Variants in THAP5 observed in about 807,000 individuals in gnomAD.
THAP5 encodes THAP domain-containing protein 5.
Under a neutral mutation model 34.0 loss-of-function variants are expected in THAP5, and 26 were observed. That is an observed-to-expected ratio of 0.77 (90% confidence interval 0.56 to 1.06). The LOEUF (loss-of-function observed/expected upper bound fraction) is 1.06, where lower values mean the gene tolerates loss of function less well. Ranked by LOEUF, THAP5 falls within the 50% of genes least tolerant of loss-of-function variation. THAP5 has a pLI of 0.00. For missense variants in THAP5, 394 were observed against 452.8 expected (o/e 0.87, Z 1.18); for synonymous variants, 125 against 153.0 (o/e 0.82, Z 1.35).
At position 108,563,537 on chromosome 7, in the gene THAP5, C is replaced by CAAAAAAAAAAAAAAAAAAAAAAAAAAAA. The variant is rs869034514; in HGVS notation, c.*626_*653dup. On this transcript the variant is annotated 3_prime_UTR_variant, in exon 3 of 3. Transcript: ENST00000415914. ...TGGGTTACAGAGTGAGACTCCATCT[C>CAAAAAAAAAAAAAAAAAAAAAAAAAAAA]AAAAAAAAAAAAAAAAAAAAAAAAA... 1.5e-5 allele frequency: 1 copy of CAAAAAAAAAAAAAAAAAAAAAAAAAAAA among 68,468 alleles called. No individual in the cohort carries two copies. Among genetic ancestry groups the CAAAAAAAAAAAAAAAAAAAAAAAAAAAA allele is most frequent in the Non-Finnish European group, 2.6e-5 (1 of 38,762 alleles). 4.2% of individuals were successfully genotyped at this position (68,468 alleles called of 1,614,324 possible).
At chr7:108,558,377 GTATGTATATATATATATATATATA>G (rs1391237403), downstream of THAP5, among the ~76,000 whole-genome samples, 2 of 63,042 alleles carry the variant, frequency 3.2e-5, no homozygotes, top group African/African-American at 8.1e-5. Flanking sequence ...ATGTGTGTGT[GTATGTATATATATATATATATATA>G]TATATATATA....
downstream of THAP5, among the ~76,000 whole-genome samples, chr7:108,550,527 G>T (rs1864347214): frequency 6.6e-6 from 1 of 152,002 alleles, no homozygotes; most frequent in East Asian, 1.9e-4. Flanking sequence ...GAGTCTCCTG[G>T]ATCTATTGGA....
intron 1 of THAP5, among the ~76,000 whole-genome samples, chr7:108,556,157 T>C (rs952182681): frequency 1.3e-5 from 2 of 152,130 alleles, no homozygotes; most frequent in African/African-American, 2.4e-5. Flanking sequence ...GCCCCTCCTC[T>C]CACACATGGG....
downstream of THAP5, among the ~76,000 whole-genome samples, chr7:108,550,035 T>G (rs548270918): frequency 5.6e-4 from 85 of 152,324 alleles, no homozygotes; most frequent in South Asian, 0.015. Context: ...ATCTAGGCAA[T>G]CATTCCAGAA....
At chr7:108,554,881 G>A (rs1404828968) in intron 1 of THAP5, 1 of 152,158 alleles carries the variant, frequency 6.6e-6, no homozygotes, top group Non-Finnish European at 1.5e-5. Flanking sequence ...AAGAGAAATA[G>A]AGAGATTTTA....
chr7:108,543,741 T>A, the THAP5 span, among the ~76,000 whole-genome samples: 3 of 152,210 alleles, frequency 2.0e-5, no homozygotes, highest in South Asian at 6.2e-4. Flanking sequence ...ATCAGGATTT[T>A]CCTGGGTTGG....
At chr7:108,552,786 C>T (rs1344070967), downstream of THAP5, among the ~76,000 whole-genome samples, 4 of 129,164 alleles carry the variant, frequency 3.1e-5, no homozygotes, top group Admixed American at 2.5e-4. Context: ...GGTGAGAGAG[C>T]GAGACTCTGT....
chr7:108,547,555 T>C, the THAP5 span, among the ~76,000 whole-genome samples: 4 of 152,196 alleles, frequency 2.6e-5, no homozygotes, highest in Admixed American at 6.5e-5. Context: ...ACTTACTTAA[T>C]CCCTAAATTT....
At chr7:108,552,814 A>C (rs1864362564), downstream of THAP5, among the ~76,000 whole-genome samples, 1 of 140,136 alleles carries the variant, frequency 7.1e-6, no homozygotes. Context: ...GAAAAAAAAA[A>C]ATCTCTTTAC....
At chr7:108,559,947 C>T (rs1864414591), downstream of THAP5, among the ~76,000 whole-genome samples, 2 of 152,180 alleles carry the variant, frequency 1.3e-5, no homozygotes, top group South Asian at 2.1e-4. Context: ...CAAAGCCAAA[C>T]CATATCACTA....
chr7:108,558,387 A>G (rs970905609), downstream of THAP5, among the ~76,000 whole-genome samples: 360 of 67,340 alleles, frequency 5.3e-3, 20 homozygotes, highest in East Asian at 0.022. Flanking sequence ...GTATGTATAT[A>G]TATATATATA....
At chr7:108,558,393 A>ATATATATATATATATATATATATG (rs1864402512), downstream of THAP5, among the ~76,000 whole-genome samples, 1 of 124,058 alleles carries the variant, frequency 8.1e-6, no homozygotes, top group Non-Finnish European at 1.7e-5. Context: ...ATATATATAT[A>ATATATATATATATATATATATATG]TATATATATA....
At chr7:108,559,703 A>G (rs1864412751), downstream of THAP5, among the ~76,000 whole-genome samples, 1 of 152,194 alleles carries the variant, frequency 6.6e-6, no homozygotes, top group Non-Finnish European at 1.5e-5. Context: ...GGCCTCAGGA[A>G]ACTTACAATC....
downstream of THAP5, among the ~76,000 whole-genome samples, chr7:108,550,937 C>T (rs1864349644): frequency 6.6e-6 from 1 of 152,076 alleles, no homozygotes; most frequent in South Asian, 2.1e-4. Flanking sequence ...TATCTTTTGG[C>T]TTTTTTTGTT....
downstream of THAP5, among the ~76,000 whole-genome samples, chr7:108,561,760 T>C (rs1864433685): frequency 6.6e-6 from 1 of 152,178 alleles, no homozygotes; most frequent in Non-Finnish European, 1.5e-5. Flanking sequence ...GAATTTATAA[T>C]CAAGTCTGTC....
downstream of THAP5, among the ~76,000 whole-genome samples, chr7:108,557,830 G>A (rs1050727372): frequency 3.9e-5 from 6 of 152,108 alleles, no homozygotes; most frequent in African/African-American, 9.7e-5. Flanking sequence ...CCAATTTTCT[G>A]TATTAGTCTG....
chr7:108,542,278 T>C, the THAP5 span, among the ~76,000 whole-genome samples: 1 of 152,236 alleles, frequency 6.6e-6, no homozygotes, highest in African/African-American at 2.4e-5. Context: ...CAAATGTCTA[T>C]AAGGCTAGAT....
the THAP5 span, among the ~76,000 whole-genome samples, chr7:108,544,488 G>A: frequency 2.6e-5 from 4 of 151,086 alleles, no homozygotes; most frequent in Non-Finnish European, 5.9e-5. Flanking sequence ...CCGAGATCGC[G>A]CCACTGCACT....
rs1276910124 is a variant in THAP5 at position 108,564,366 on chromosome 7, A to C, written c.1013T>G (p.Val338Gly). The C allele has an allele frequency of 6.2e-7, 1 of 1,613,598 alleles. No individual in the cohort carries two copies. Among genetic ancestry groups the C allele is most frequent in the African/African-American group, 1.3e-5 (1 of 74,894 alleles). Residue 338 changes from valine to glycine, a missense_variant, in exon 3 of 3, where the codon GTC becomes GGC. Val to Gly is a moderately radical substitution (Grantham distance 109). Transcript: ENST00000415914. ...DINKEHLWQK[V>G]SKLHSKITLL... is the part of the protein sequence containing the mutation. ...AGTTATCTTTGAATGTAGCTTAGAG[A>C]CTTTCTGCCAAAGATGTTCCTTATT... is the stretch of plus-strand genomic sequence containing the variant.
Sources: gnomAD v4.1 joint callset for allele counts (sites outside exome capture counted in the v4.1 genomes callset) on GRCh38, gnomAD v4.1.1 for gene constraint, MANE v1.5 for transcripts, NCBI Gene and HGNC (gene_info 2026-07-23, HGNC 2026-07-21) for gene names.